WDR88: variants seen among roughly 807,000 people sequenced by gnomAD.
WDR88 encodes the protein WD repeat-containing protein 88.
In WDR88, 40 loss-of-function variants were observed where a neutral mutation model predicts 46.8. The observed-to-expected ratio is 0.86, with a 90% CI of 0.66 to 1.11. The LOEUF (loss-of-function observed/expected upper bound fraction) is 1.11. Among genes scored for constraint, WDR88 ranks in the 50% most tolerant of loss-of-function variants. The pLI is 0.00. For synonymous variants in WDR88, 235 were observed against 240.7 expected, an observed-to-expected ratio of 0.98 and a Z score of 0.22; for missense variants, 562 against 602.4, an observed-to-expected ratio of 0.93 and a Z score of 0.70.
chr19:33,171,228 C>T (rs1200005445), intron 9 of WDR88, among the ~76,000 whole-genome samples: 2 of 152,312 alleles, frequency 1.3e-5, no homozygotes, highest in African/African-American at 2.4e-5. Flanking sequence ...TCAGGTGATC[C>T]GCCTGCCTTG....
At chr19:33,147,795 G>C (rs1973550489) in intron 4 of WDR88, 87 bp downstream of exon 4, 3 of 1,226,178 alleles carry the variant, frequency 2.4e-6, no homozygotes, top group Admixed American at 4.4e-5. Flanking sequence ...CCCTGGGTAG[G>C]GGGAGGTGAT....
rs559381809 is a variant in WDR88, at chr19:33,137,842, C to T, written c.387+55C>T. 4.0e-5 allele frequency: 60 copies of T among 1,485,108 alleles called. No individual in the cohort carries two copies. In the South Asian group the frequency reaches 5.8e-4, roughly 14 times the overall value. 92.0% of individuals were successfully genotyped at this position (1,485,108 alleles called of 1,614,324 possible). A position where few individuals can be genotyped will look rare whatever the true frequency, so the allele number is the denominator to read the frequency against. On this transcript the variant is annotated intron_variant, in intron 2 of 10. Coordinates refer to ENST00000355868, the MANE Select transcript of WDR88 (RefSeq NM_173479.4). The stretch of plus-strand genomic sequence containing the variant: ...AGCGAAAACCTTTCCTAAGCTTAGG[C>T]ACCTCCTGTGTCGAGTTCCCCAGCA...
chr19:33,157,290 A>G (rs1224546153), intron 7 of WDR88, among the ~76,000 whole-genome samples: 1 of 151,816 alleles, frequency 6.6e-6, no homozygotes, highest in Non-Finnish European at 1.5e-5. Context: ...TGAGGTCAGG[A>G]GTTCAAGATC....
At chr19:33,147,827 G>A (rs1180357465) in intron 4 of WDR88, 119 bp downstream of exon 4, 1 of 826,810 alleles carries the variant, frequency 1.2e-6, no homozygotes, top group Admixed American at 2.7e-5. Flanking sequence ...CTTCTAGGAA[G>A]GAGGCATGTT....
In WDR88 at chr19:33,164,617, C is replaced by G. The variant is rs543712759; in HGVS notation, c.1149+352C>G. ...CAAGGTCCGGGGGGGTCTCCCTTTC[C>G]TGCAGCACTGCATCTTGAGATTCCC... is the stretch of plus-strand genomic sequence containing the variant. On this transcript the variant is annotated intron_variant, in intron 9 of 10. Transcript: ENST00000355868. 1.8e-3 allele frequency among the ~76,000 whole-genome samples: 273 copies of G among 152,200 alleles called. 2 individuals carry two copies. Among genetic ancestry groups the G allele is most frequent in the African/African-American group, 6.3e-3 (261 of 41,528 alleles).
chr19:33,141,659 C>G (rs180992319), intron 2 of WDR88, among the ~76,000 whole-genome samples: 74 of 152,218 alleles, frequency 4.9e-4, no homozygotes, highest in African/African-American at 1.7e-3. Context: ...CAATAATCTC[C>G]AATGAGGGGA....
At chr19:33,146,446 TC>T (rs1973515225) in intron 3 of WDR88, among the ~76,000 whole-genome samples, 2 of 97,644 alleles carry the variant, frequency 2.0e-5, no homozygotes, top group South Asian at 4.1e-4. Flanking sequence ...CTTCCTTCCT[TC>T]CTTCCTTCCT....
In WDR88 at chr19:33,147,552, G is replaced by A. The variant is rs560979845; in HGVS notation, c.477-93G>A. The A allele has an allele frequency of 3.0e-4, 361 of 1,207,172 alleles. 1 individual carries two copies. The highest frequency in any genetic ancestry group is 5.0e-4 in the South Asian group (37 of 73,312). The allele number at this position is 1,207,172 out of a possible 1,614,324, so 74.8% of individuals were successfully genotyped here. On this transcript the variant is annotated intron_variant, in intron 3 of 10. Coordinates refer to ENST00000355868, the MANE Select transcript of WDR88 (RefSeq NM_173479.4). ...TGGGAGGTGGAGGTTGCAGTGAGCCGGTATTGCACCACTGCACTCCAGCTG... is the reference window on the plus strand; with the variant it reads ...TGGGAGGTGGAGGTTGCAGTGAGCCAGTATTGCACCACTGCACTCCAGCTG...
intron 9 of WDR88, among the ~76,000 whole-genome samples, chr19:33,170,122 C>T (rs1446535374): frequency 6.6e-6 from 1 of 152,094 alleles, no homozygotes; most frequent in East Asian, 1.9e-4. Context: ...GGTGATCCAC[C>T]CACCTTGGCC....
At chr19:33,143,156 C>G (rs185865729) in intron 2 of WDR88, among the ~76,000 whole-genome samples, 16 of 151,384 alleles carry the variant, frequency 1.1e-4, no homozygotes, top group Admixed American at 9.9e-4. Flanking sequence ...GTAGCAAGAC[C>G]CTCATCTCTA....
intron 10 of WDR88, chr19:33,174,081 A>G: frequency 7.7e-7 from 1 of 1,301,896 alleles, no homozygotes; most frequent in Non-Finnish European, 1.1e-6. Flanking sequence ...CGAACTCCTG[A>G]GCTCAAGTGA....
chr19:33,146,472 C>CTTCT (rs1555724924), intron 3 of WDR88, among the ~76,000 whole-genome samples: 2,013 of 15,188 alleles, frequency 0.13, 40 homozygotes, highest in African/African-American at 0.22. Flanking sequence ...TCTTTCCTTC[C>CTTCT]TTCCTTCCTT....
At chr19:33,165,070 C>T (rs1973931596) in intron 9 of WDR88, among the ~76,000 whole-genome samples, 1 of 151,980 alleles carries the variant, frequency 6.6e-6, no homozygotes, top group Admixed American at 6.6e-5. Flanking sequence ...CAATAGCCTT[C>T]GTGCTCCTGT....
At chr19:33,151,356 C>T (rs1275136811) in intron 6 of WDR88, 46 bp downstream of exon 6, 1 of 1,592,264 alleles carries the variant, frequency 6.3e-7, no homozygotes, top group Admixed American at 1.7e-5. Context: ...GGTGGGGCGT[C>T]CCCATTCATG....
At chr19:33,141,357 G>T (rs1056591450) in intron 2 of WDR88, among the ~76,000 whole-genome samples, 1 of 151,266 alleles carries the variant, frequency 6.6e-6, no homozygotes, top group Non-Finnish European at 1.5e-5. Flanking sequence ...AGCCTCCTGA[G>T]TATCTGGGAC....
At chr19:33,143,359 A>G (rs1039103962) in intron 2 of WDR88, among the ~76,000 whole-genome samples, 4 of 131,110 alleles carry the variant, frequency 3.1e-5, no homozygotes, top group African/African-American at 1.2e-4. Context: ...AAAAAAAAAA[A>G]AAGGCTGGTC....
chr19:33,132,324 C>T lies in WDR88; in HGVS notation c.155C>T (p.Thr52Met). The change falls in exon 1 of 11, where the codon ACG becomes ATG. Residue 52 changes from threonine (T) to methionine (M), a missense_variant. Coordinates refer to ENST00000355868, the MANE Select transcript of WDR88 (RefSeq NM_173479.4). ...LGRFKLSIPH[T>M]HLLATLDPLA... Reference sequence around the variant, plus strand: ...CGCTTCAAGCTGTCGATCCCGCACACGCACCTGCTGGCCACCCTCGACCCC... The same window carrying T: ...CGCTTCAAGCTGTCGATCCCGCACATGCACCTGCTGGCCACCCTCGACCCC... 3 of 1,614,090 alleles carry T rather than the reference C, an allele frequency of 1.9e-6. No homozygotes were observed. The highest frequency in any genetic ancestry group is 1.1e-5 in the South Asian group (1 of 91,090).
intron 6 of WDR88, among the ~76,000 whole-genome samples, chr19:33,155,605 A>T (rs1378973465): frequency 6.6e-6 from 1 of 152,122 alleles, no homozygotes. Flanking sequence ...ACCACGCCTG[A>T]CATTGTTGGG....
rs772198262 is a variant in WDR88, at chr19:33,132,288, G to A, written c.119G>A (p.Arg40Lys). The change falls in exon 1 of 11, where the codon AGG becomes AAG. Residue 40 changes from arginine (R) to lysine (K), a missense_variant. Transcript: ENST00000355868. ...PGKLSWGTMA[R>K]ALGRFKLSIP... is the part of the protein sequence containing the mutation. ...AAGCTGTCCTGGGGGACCATGGCGA[G>A]GGCCTTAGGCCGCTTCAAGCTGTCG... 3 of 1,613,586 alleles carry A rather than the reference G, an allele frequency of 1.9e-6. No individual in the cohort carries two copies. Among genetic ancestry groups the A allele is most frequent in the African/African-American group, 2.7e-5 (2 of 74,930 alleles).
Sources: gnomAD v4.1 joint callset for allele counts (sites outside exome capture counted in the v4.1 genomes callset) on GRCh38, gnomAD v4.1.1 for gene constraint, MANE v1.5 for transcripts, NCBI Gene and HGNC (gene_info 2026-07-23, HGNC 2026-07-21) for gene names.